The following MBP variants were observed in gnomAD, a reference collection of about 807,000 sequenced individuals.
The protein encoded by MBP is myelin basic protein.
MBP carries 16 observed loss-of-function variants against 35.8 expected under a neutral mutation model. The observed-to-expected ratio is 0.45, with a 90% CI of 0.30 to 0.68. MBP has a LOEUF of 0.68. Among genes scored for constraint, MBP ranks in the 30% least tolerant of loss-of-function variants. The probability of loss-of-function intolerance (pLI) is 0.08; values close to 1 mark genes in which losing one functional copy is unlikely to be tolerated. For missense variants in MBP, 380 were observed against 404.7 expected, an observed-to-expected ratio of 0.94 and a Z score of 0.52; for synonymous variants, 143 against 159.6, an observed-to-expected ratio of 0.90 and a Z score of 0.78.
At chr18:77,055,922 G>A (rs963611948) in intron 3 of MBP, among the ~76,000 whole-genome samples, 2 of 152,224 alleles carry the variant, frequency 1.3e-5, no homozygotes, top group African/African-American at 4.8e-5. Flanking sequence ...TAGAGCAGCT[G>A]TTGGAATTTT....
chr18:77,059,749 G>C (rs934395125), intron 3 of MBP, among the ~76,000 whole-genome samples: 1 of 152,122 alleles, frequency 6.6e-6, no homozygotes, highest in Non-Finnish European at 1.5e-5. Flanking sequence ...ATAAAAATAG[G>C]GGCCAGCACA....
intron 2 of MBP, among the ~76,000 whole-genome samples, chr18:77,091,636 T>TA (rs1975527990): frequency 6.8e-6 from 1 of 147,322 alleles, no homozygotes; most frequent in South Asian, 2.2e-4. Flanking sequence ...CCTATACAGG[T>TA]ATACACACCA....
At chr18:77,001,050 A>C (rs1270889060) in intron 4 of MBP, among the ~76,000 whole-genome samples, 1 of 152,244 alleles carries the variant, frequency 6.6e-6, no homozygotes, top group Non-Finnish European at 1.5e-5. Context: ...TCCCTGAATC[A>C]ACGATCATAA....
intron 2 of MBP, among the ~76,000 whole-genome samples, chr18:77,104,290 C>T (rs1207328608): frequency 6.6e-6 from 1 of 152,200 alleles, no homozygotes; most frequent in Non-Finnish European, 1.5e-5. Context: ...AAAATGCCCA[C>T]GTCTGCATTG....
intron 3 of MBP, among the ~76,000 whole-genome samples, chr18:77,032,700 T>G (rs1325041788): frequency 2.0e-5 from 3 of 152,224 alleles, no homozygotes; most frequent in Non-Finnish European, 4.4e-5. Flanking sequence ...AGCCCAATAT[T>G]CATGTAGATT....
Position 77,130,736 on chromosome 18 carries a change from G to A in MBP, c.-26+1844C>T, listed in dbSNP as rs555693640. Reference sequence around the variant, plus strand: ...CGTTTCGTGGCTACCTTTAATCAGCGCACACAGCTAGGACCACCACTGACC... The same window carrying A: ...CGTTTCGTGGCTACCTTTAATCAGCACACACAGCTAGGACCACCACTGACC... On this transcript the variant is annotated intron_variant, in intron 1 of 8. Transcript: ENST00000355994. Among the ~76,000 whole-genome samples the A allele has an allele frequency of 2.0e-5, 3 of 148,448 alleles. No individual in the cohort carries two copies. The South Asian group carries it at 6.4e-4, about 32-fold the overall frequency.
intron 2 of MBP, among the ~76,000 whole-genome samples, chr18:77,084,504 GT>G (rs1340546231): frequency 6.8e-6 from 1 of 147,434 alleles, no homozygotes; most frequent in African/African-American, 2.5e-5. Context: ...GCAACTGCCT[GT>G]CCGGCCTCCA....
intron 4 of MBP, among the ~76,000 whole-genome samples, chr18:76,996,997 T>C (rs1446884866): frequency 6.6e-6 from 1 of 152,200 alleles, no homozygotes; most frequent in African/African-American, 2.4e-5. Flanking sequence ...AGTGTTGGCC[T>C]CTCCTTCCGC....
At chr18:77,109,764 G>A (rs1004802928) in intron 1 of MBP, 3 of 152,192 alleles carry the variant, frequency 2.0e-5, no homozygotes, top group Non-Finnish European at 4.4e-5. Context: ...ATGATGGCGT[G>A]GAATTCATCA....
In MBP at chr18:77,020,664, G is replaced by A. The variant is rs1306766110; in HGVS notation, c.140-3396C>T. On this transcript the variant is annotated intron_variant, in intron 3 of 8. Transcript: ENST00000355994. This position sits in a 1 kb window ranked among gnomAD's most constrained non-coding sequence, Gnocchi z 4.1. ...GCTTTACTCGGGGCTGGTCTCATAG[G>A]CTGCCTCGCTTGGTGCCACCAAGAT... Among the ~76,000 whole-genome samples, 1 of 152,204 alleles carries A rather than the reference G, an allele frequency of 6.6e-6. No individual in the cohort carries two copies.
At position 76,984,813 on chromosome 18, in the gene MBP, C is replaced by T; in HGVS notation, c.832G>A (p.Val278Ile). ...TTGGAAAGCGTGCCCTGGGCATCGA[C>T]TCCCTTGAATCCCTTGTGAGCCGAT... Reference protein sequence around the residue: ...YKSAHKGFKGVDAQGTLSKIF... With the variant: ...YKSAHKGFKGIDAQGTLSKIF... The change falls in exon 8 of 9, where the codon GTC becomes ATC. Residue 278 changes from valine to isoleucine, a missense_variant. Coordinates refer to ENST00000355994, the MANE Select transcript of MBP (RefSeq NM_001025101.2). 1.2e-6 allele frequency: 2 copies of T among 1,614,136 alleles called. No homozygotes were observed. The highest frequency in any genetic ancestry group is 2.2e-5 in the East Asian group (1 of 44,882).
intron 3 of MBP, among the ~76,000 whole-genome samples, chr18:77,062,038 A>AT (rs1433924481): frequency 6.6e-6 from 1 of 152,206 alleles, no homozygotes; most frequent in African/African-American, 2.4e-5. Flanking sequence ...TCTGTGGCAC[A>AT]TGTGGAGTGA....
intron 2 of MBP, 32 bp downstream of exon 2, chr18:77,105,179 A>T: frequency 6.2e-7 from 1 of 1,609,024 alleles, no homozygotes; most frequent in Middle Eastern, 1.7e-4. Flanking sequence ...AGAAAACAAC[A>T]TGCACATGTT....
intron 3 of MBP, 65 bp downstream of exon 3, chr18:77,066,233 G>T: frequency 8.4e-7 from 1 of 1,197,312 alleles, no homozygotes; most frequent in Non-Finnish European, 1.2e-6. Flanking sequence ...AGGCTTCCCC[G>T]AGTGAGAGTG....
chr18:77,009,974 C>T (rs1458457997), intron 4 of MBP: 21 of 1,318,578 alleles, frequency 1.6e-5, no homozygotes, highest in South Asian at 7.6e-5. Context: ...TGGGCGCCGC[C>T]GGCAATGCCC....
At chr18:77,022,952 C>A (rs1972051874) in intron 3 of MBP, among the ~76,000 whole-genome samples, 1 of 152,186 alleles carries the variant, frequency 6.6e-6, no homozygotes, top group African/African-American at 2.4e-5. Context: ...ATTTATAGAG[C>A]AGAGCATTAT....
chr18:77,065,030 G>A (rs2144795406), intron 3 of MBP, among the ~76,000 whole-genome samples: 1 of 152,294 alleles, frequency 6.6e-6, no homozygotes, highest in African/African-American at 2.4e-5. Flanking sequence ...TCAGTGTCAT[G>A]ATGGGACGAG....
chr18:76,988,739 A>T lies in MBP; in HGVS notation c.717+138T>A. 1 of 1,317,092 alleles carries T rather than the reference A, an allele frequency of 7.6e-7. No individual in the cohort carries two copies. Among genetic ancestry groups the T allele is most frequent in the Middle Eastern group, 2.2e-4 (1 of 4,514 alleles). The allele number at this position is 1,317,092 out of a possible 1,614,324, so 81.6% of individuals were successfully genotyped here. A position where few individuals can be genotyped will look rare whatever the true frequency, so the allele number is the denominator to read the frequency against. The stretch of plus-strand genomic sequence containing the variant: ...GTGCATGGATCTGCCGACCTGTTCT[A>T]CTTGGGAGCTGCCTGGCAACACGTT... On this transcript the variant is annotated intron_variant, in intron 6 of 8. Coordinates refer to ENST00000355994, the MANE Select transcript of MBP (RefSeq NM_001025101.2). The surrounding 1 kb of genome is among the most constrained non-coding windows in gnomAD (Gnocchi z 5.2).
At chr18:76,984,744 G>C (rs755226510) in intron 8 of MBP, 31 bp downstream of exon 8, 8 of 1,613,428 alleles carry the variant, frequency 5.0e-6, no homozygotes, top group Non-Finnish European at 5.9e-6. Context: ...CTTAGTCCCC[G>C]CTCAGTGGAG....
Sources: allele counts gnomAD v4.1 joint callset (sites outside exome capture counted in the v4.1 genomes callset), GRCh38; gene constraint gnomAD v4.1.1; non-coding constraint Gnocchi (gnomAD v3.1); transcripts MANE v1.5; gene names NCBI Gene and HGNC (gene_info 2026-07-23, HGNC 2026-07-21).